EYA2: variants seen among roughly 807,000 people sequenced by gnomAD.
EYA2 encodes the protein protein phosphatase EYA2.
In EYA2, 31 loss-of-function variants were observed where a neutral mutation model predicts 69.2. That is an observed-to-expected ratio of 0.45 (90% confidence interval 0.34 to 0.60). The LOEUF (loss-of-function observed/expected upper bound fraction) is 0.60. EYA2 is among the 20% of genes least tolerant of loss of function. The pLI is 0.02. For synonymous variants in EYA2, 257 were observed against 279.4 expected, an observed-to-expected ratio of 0.92 and a Z score of 0.80; for missense variants, 622 against 701.2, an observed-to-expected ratio of 0.89 and a Z score of 1.28.
rs1485850174 is a variant in EYA2, at chr20:47,074,288, A to G, written c.614A>G (p.Gln205Arg). The G allele has an allele frequency of 2.0e-5, 33 of 1,614,034 alleles. No individual in the cohort carries two copies. Among genetic ancestry groups the G allele is most frequent in the Non-Finnish European group, 2.7e-5 (32 of 1,179,970 alleles). ...CTCTCCACGTCCACCTACGTCCTCC[A>G]GGAGGCATCTCACAACGTCCCCAAC... The part of the protein sequence containing the change: ...SPLSTSTYVL[Q>R]EASHNVPNQS... Residue 205 changes from glutamine to arginine, a missense_variant, in exon 7 of 16, where the codon CAG becomes CGG. Gln to Arg is a conservative substitution (Grantham distance 43). Transcript: ENST00000327619.
rs151255130 is a variant in EYA2 at position 47,045,664 on chromosome 20, C to T, written c.416-26521C>T. The stretch of plus-strand genomic sequence containing the variant: ...CTTCTTCCTCAACTCTTTTCATATC[C>T]GTCTACATGAGCAATGGAATTGCTA... On this transcript the variant is annotated intron_variant, in intron 5 of 15. Coordinates refer to ENST00000327619, the MANE Select transcript of EYA2 (RefSeq NM_005244.5). Among the ~76,000 whole-genome samples, 480 of 152,294 alleles carry T rather than the reference C, an allele frequency of 3.2e-3. 2 individuals carry two copies. The highest frequency in any genetic ancestry group is 0.011 in the African/African-American group (453 of 41,568).
At chr20:47,085,802 TGAAA>T (rs1244817326) in intron 7 of EYA2, among the ~76,000 whole-genome samples, 2 of 152,122 alleles carry the variant, frequency 1.3e-5, no homozygotes, top group East Asian at 3.9e-4. Flanking sequence ...AAGTCTATAG[TGAAA>T]GAAAGCAGTT....
At chr20:46,946,159 C>T (rs1186064488) in intron 1 of EYA2, among the ~76,000 whole-genome samples, 1 of 152,138 alleles carries the variant, frequency 6.6e-6, no homozygotes, top group Admixed American at 6.5e-5. Flanking sequence ...TGGACCTCAC[C>T]CATTGGATCC....
At chr20:47,173,653 C>A (rs1276457790) in intron 12 of EYA2, among the ~76,000 whole-genome samples, 1 of 152,062 alleles carries the variant, frequency 6.6e-6, no homozygotes, top group Admixed American at 6.6e-5. Context: ...CTACTTCTGG[C>A]CTCAAGTGAT....
chr20:46,922,690 C>T (rs751191443), intron 1 of EYA2, among the ~76,000 whole-genome samples: 4 of 152,088 alleles, frequency 2.6e-5, no homozygotes, highest in Non-Finnish European at 4.4e-5. Flanking sequence ...CACCATGTTG[C>T]GACCACTATA....
At chr20:47,084,113 G>A (rs1028070276) in intron 7 of EYA2, among the ~76,000 whole-genome samples, 3 of 152,170 alleles carry the variant, frequency 2.0e-5, no homozygotes, top group African/African-American at 7.2e-5. Flanking sequence ...GGGTGTGGTG[G>A]CATGTGCCTG....
At chr20:47,096,047 GA>G (rs1258585695) in intron 8 of EYA2, 1 of 152,056 alleles carries the variant, frequency 6.6e-6, no homozygotes, top group East Asian at 1.9e-4. Flanking sequence ...TTGCAAACAA[GA>G]AAAAATTAAT....
chr20:47,136,970 G>A (rs986880226), intron 9 of EYA2, among the ~76,000 whole-genome samples: 11 of 151,906 alleles, frequency 7.2e-5, no homozygotes, highest in South Asian at 2.1e-4. Context: ...TGTCTGATCC[G>A]TACCTTCGCC....
At chr20:46,988,355 C>T (rs1024069350) in intron 1 of EYA2, among the ~76,000 whole-genome samples, 4 of 151,926 alleles carry the variant, frequency 2.6e-5, no homozygotes, top group Non-Finnish European at 4.4e-5. Context: ...TCACCGTGAC[C>T]ATTTTCCAGA....
chr20:47,023,937 G>A (rs1983928877), intron 5 of EYA2, among the ~76,000 whole-genome samples: 1 of 151,946 alleles, frequency 6.6e-6, no homozygotes, highest in African/African-American at 2.4e-5. Context: ...GCCCAGCCTG[G>A]GTCTTTTTCT....
chr20:47,001,731 T>G (rs1982386280), intron 3 of EYA2, among the ~76,000 whole-genome samples: 1 of 151,406 alleles, frequency 6.6e-6, no homozygotes, highest in Non-Finnish European at 1.5e-5. Flanking sequence ...GAATGGGGCC[T>G]GGAGCAGAGT....
intron 10 of EYA2, chr20:47,161,626 C>A (rs2073169): frequency 0.013 from 2,835 of 217,076 alleles, 97 homozygotes; most frequent in African/African-American, 0.063. Context: ...CCCCAGCCCC[C>A]GATGCCCCTG....
intron 9 of EYA2, among the ~76,000 whole-genome samples, chr20:47,098,528 A>G (rs181194037): frequency 2.8e-4 from 42 of 152,274 alleles, no homozygotes; most frequent in African/African-American, 9.9e-4. Context: ...GATCTTGGGT[A>G]TGATTTTTGT....
chr20:46,978,783 G>A (rs1980623562), intron 1 of EYA2: 2 of 492,742 alleles, frequency 4.1e-6, no homozygotes, highest in South Asian at 1.5e-5. Flanking sequence ...CTGGGCGATG[G>A]CCATGGAGGT....
At chr20:47,155,809 C>G (rs1436878513) in intron 10 of EYA2, among the ~76,000 whole-genome samples, 1 of 151,380 alleles carries the variant, frequency 6.6e-6, no homozygotes, top group Non-Finnish European at 1.5e-5. Flanking sequence ...TAATGTCTAT[C>G]TTTCATGGAG....
At chr20:47,141,890 A>G (rs1171025054) in intron 9 of EYA2, among the ~76,000 whole-genome samples, 1 of 152,236 alleles carries the variant, frequency 6.6e-6, no homozygotes, top group Non-Finnish European at 1.5e-5. Flanking sequence ...CTTGTAGCAC[A>G]TACAAGAAGT....
At chr20:46,970,509 A>G (rs1400850746) in intron 1 of EYA2, among the ~76,000 whole-genome samples, 2 of 152,214 alleles carry the variant, frequency 1.3e-5, no homozygotes, top group Admixed American at 1.3e-4. Context: ...AGAATCACCC[A>G]GCCCAAAAAC....
chr20:47,021,048 C>T (rs1983714882), intron 5 of EYA2, among the ~76,000 whole-genome samples: 1 of 152,120 alleles, frequency 6.6e-6, no homozygotes, highest in African/African-American at 2.4e-5. Context: ...GTACTTTACT[C>T]GTGGGGTGCT....
chr20:46,916,877 C>A (rs1984931885), intron 1 of EYA2, among the ~76,000 whole-genome samples: 1 of 152,084 alleles, frequency 6.6e-6, no homozygotes, highest in South Asian at 2.1e-4. Context: ...GCTTTGGACC[C>A]TTCCTTATTT....
Sources: allele counts gnomAD v4.1 joint callset (sites outside exome capture counted in the v4.1 genomes callset), GRCh38; gene constraint gnomAD v4.1.1; transcripts MANE v1.5; gene names NCBI Gene and HGNC (gene_info 2026-07-23, HGNC 2026-07-21).